NCF2: variants seen among roughly 807,000 people sequenced by gnomAD.
NCF2 encodes neutrophil cytosolic factor 2, also known as neutrophil cytosol factor 2.
NCF2 carries 45 observed loss-of-function variants against 70.9 expected under a neutral mutation model. The observed-to-expected ratio is 0.63, with a 90% CI of 0.50 to 0.81. The LOEUF (loss-of-function observed/expected upper bound fraction) is 0.81, where lower values mean the gene tolerates loss of function less well. Among genes scored for constraint, NCF2 ranks in the 40% least tolerant of loss-of-function variants. The probability of loss-of-function intolerance (pLI) is 0.00; values close to 1 mark genes in which losing one functional copy is unlikely to be tolerated. For missense variants in NCF2, 522 were observed against 631.6 expected, an observed-to-expected ratio of 0.83 and a Z score of 1.86; for synonymous variants, 203 against 233.6, an observed-to-expected ratio of 0.87 and a Z score of 1.19.
chr1:183,594,110 G>A (rs1673732207), upstream of NCF2, among the ~76,000 whole-genome samples: 1 of 152,170 alleles, frequency 6.6e-6, no homozygotes, highest in African/African-American at 2.4e-5. Flanking sequence ...GAGATGTGTT[G>A]CATTATCTGT....
At chr1:183,566,029 C>T (rs149476369) in intron 9 of NCF2, among the ~76,000 whole-genome samples, 54 of 152,354 alleles carry the variant, frequency 3.5e-4, no homozygotes, top group Non-Finnish European at 4.9e-4. Context: ...ACGCCCTTGC[C>T]GCTTTAGCAA....
In NCF2 at chr1:183,563,326, A is replaced by C. The variant is rs775961340; in HGVS notation, c.1179-20T>G. 2 of 1,613,774 alleles carry C rather than the reference A, an allele frequency of 1.2e-6. No homozygotes were observed. Among genetic ancestry groups the C allele is most frequent in the African/African-American group, 2.7e-5 (2 of 74,920 alleles). ...CGATAGCTGGGTGGGGATAATGAGT[A>C]AGAATCCAGTCAAAGAACATCATCA... On this transcript the variant is annotated intron_variant, in intron 12 of 14. Coordinates refer to ENST00000367535, the MANE Select transcript of NCF2 (RefSeq NM_000433.4).
intron 5 of NCF2, 31 bp downstream of exon 5, chr1:183,573,154 G>T: frequency 6.3e-7 from 1 of 1,598,154 alleles, no homozygotes; most frequent in Non-Finnish European, 8.6e-7. Flanking sequence ...GGCCACAGGA[G>T]ACTCAGGGGA....
Position 183,563,563 on chromosome 1 carries a change from A to T in NCF2, c.1049T>A (p.Met350Lys). Residue 350 changes from methionine to lysine, a missense_variant, in exon 12 of 15, where the codon ATG becomes AAG. Coordinates refer to ENST00000367535, the MANE Select transcript of NCF2 (RefSeq NM_000433.4). ...EPKEVKLSVPMPYTLKVHYKY... is the reference protein window; with the variant it reads ...EPKEVKLSVPKPYTLKVHYKY... ...GTAGTGCACCTTGAGTGTGTAGGGC[A>T]TGGGAACACTGAGCTTCACTTCCTG... 6.2e-7 allele frequency: 1 copy of T among 1,613,822 alleles called. No homozygotes were observed. Among genetic ancestry groups the T allele is most frequent in the South Asian group, 1.1e-5 (1 of 91,068 alleles).
At chr1:183,570,909 G>T in intron 5 of NCF2, 70 bp from the exon 6 acceptor site, 1 of 1,495,168 alleles carries the variant, frequency 6.7e-7, no homozygotes, top group Non-Finnish European at 9.3e-7. Flanking sequence ...CTCCCTCTTT[G>T]CTCATGCCCT....
chr1:183,590,160 T>C lies in NCF2; in HGVS notation c.170A>G (p.Glu57Gly). Residue 57 changes from glutamate (E) to glycine (G), a missense_variant, in exon 1 of 15, where the codon GAG becomes GGG. Coordinates refer to ENST00000367535, the MANE Select transcript of NCF2 (RefSeq NM_000433.4). ...YTILKNMTEA[E>G]KAFTRSINRD... ...GAAAGAGGCACCTCCACTCACCTTC[T>C]CTGCTTCAGTCATGTTCTTCAGGAT... 1.2e-6 allele frequency: 2 copies of C among 1,614,192 alleles called. No homozygotes were observed. The highest frequency in any genetic ancestry group is 1.7e-6 in the Non-Finnish European group (2 of 1,180,026).
chr1:183,587,148 A>T (rs1673393209), intron 1 of NCF2, among the ~76,000 whole-genome samples, 171 bp from the exon 2 acceptor site: 2 of 152,146 alleles, frequency 1.3e-5, no homozygotes, highest in Non-Finnish European at 2.9e-5. Flanking sequence ...CTTCGCTCTC[A>T]CATTTAGAAG....
At chr1:183,556,328 C>G in intron 14 of NCF2, 98 bp from the exon 15 acceptor site, 2 of 1,021,264 alleles carry the variant, frequency 2.0e-6, no homozygotes, top group Non-Finnish European at 1.5e-6. Context: ...GTCACCCTTC[C>G]CCACCCCTAA....
intron 2 of NCF2, among the ~76,000 whole-genome samples, chr1:183,579,024 G>GT (rs1245020489): frequency 1.3e-5 from 2 of 152,244 alleles, no homozygotes; most frequent in Admixed American, 1.3e-4. Flanking sequence ...CAACTGGACT[G>GT]TAAGTCTGTA....
At chr1:183,591,294 C>T (rs904597148), upstream of NCF2, among the ~76,000 whole-genome samples, 3 of 152,194 alleles carry the variant, frequency 2.0e-5, no homozygotes, top group Admixed American at 1.3e-4. Context: ...TTTCCACACC[C>T]TTGTTAAATG....
intron 3 of NCF2, among the ~76,000 whole-genome samples, chr1:183,575,760 T>C (rs941860418): frequency 1.2e-4 from 19 of 152,178 alleles, no homozygotes; most frequent in African/African-American, 4.6e-4. Flanking sequence ...GAGAAGTTCA[T>C]GTAGCGAAGA....
intron 6 of NCF2, among the ~76,000 whole-genome samples, chr1:183,570,416 C>G (rs967765831): frequency 1.3e-5 from 2 of 152,258 alleles, no homozygotes; most frequent in African/African-American, 4.8e-5. Flanking sequence ...CCACTTGCCC[C>G]TGTACTCAAG....
intron 12 of NCF2, 33 bp from the exon 13 acceptor site, chr1:183,563,339 A>C: frequency 6.2e-7 from 1 of 1,613,866 alleles, no homozygotes; most frequent in South Asian, 1.1e-5. Flanking sequence ...AATCCAGTCA[A>C]AGAACATCAT....
chr1:183,580,866 C>T (rs558005352), intron 2 of NCF2, among the ~76,000 whole-genome samples: 1 of 151,820 alleles, frequency 6.6e-6, no homozygotes, highest in East Asian at 1.9e-4. Context: ...ATAGTTCCAG[C>T]TACTCAGGAG....
intron 14 of NCF2, among the ~76,000 whole-genome samples, chr1:183,559,727 T>C (rs1048967839): frequency 3.3e-5 from 5 of 152,102 alleles, no homozygotes; most frequent in African/African-American, 1.2e-4. Context: ...GGCATGGTGG[T>C]GGGCGCCTGT....
At chr1:183,568,401 A>G (rs943526458) in intron 7 of NCF2, among the ~76,000 whole-genome samples, 6 of 151,812 alleles carry the variant, frequency 4.0e-5, no homozygotes, top group Non-Finnish European at 8.8e-5. Context: ...TCCTGATCTC[A>G]AGTGATCCGC....
chr1:183,558,805 T>C (rs932653621), intron 14 of NCF2, among the ~76,000 whole-genome samples: 5 of 151,792 alleles, frequency 3.3e-5, no homozygotes, highest in Admixed American at 6.6e-5. Flanking sequence ...CCTCAAGTGA[T>C]CCACCACCTC....
intron 2 of NCF2, among the ~76,000 whole-genome samples, chr1:183,586,379 T>C (rs36051480): frequency 0.013 from 1,953 of 152,376 alleles, 44 homozygotes; most frequent in African/African-American, 0.044. Context: ...TTTTTCTGTA[T>C]AAGTGCATAC....
intron 1 of NCF2, among the ~76,000 whole-genome samples, chr1:183,587,720 G>A (rs1443783928): frequency 2.0e-5 from 3 of 150,516 alleles, no homozygotes; most frequent in African/African-American, 7.3e-5. Context: ...AAACACTAAA[G>A]CATTTTCCCA....
Sources: gnomAD v4.1 joint callset for allele counts (sites outside exome capture counted in the v4.1 genomes callset) on GRCh38, gnomAD v4.1.1 for gene constraint, MANE v1.5 for transcripts, NCBI Gene and HGNC (gene_info 2026-07-23, HGNC 2026-07-21) for gene names.